The following ADAMTSL1 variants were observed in gnomAD, a reference collection of about 807,000 sequenced individuals.
ADAMTSL1 encodes the protein ADAMTS like 1, also known as ADAMTS-like protein 1.
ADAMTSL1 carries 126 observed loss-of-function variants against 201.8 expected under a neutral mutation model. The ratio of observed to expected loss-of-function variants is 0.62; its 90% CI spans 0.54 to 0.72. The LOEUF is 0.72. Ranked by LOEUF, ADAMTSL1 falls within the 30% of genes least tolerant of loss-of-function variation. The pLI, the probability that ADAMTSL1 is intolerant of heterozygous loss-of-function variation, is 0.00. For synonymous variants in ADAMTSL1, 1,121 were observed against 903.4 expected, an observed-to-expected ratio of 1.24 and a Z score of -4.32; for missense variants, 2,679 against 2,277.8, an observed-to-expected ratio of 1.18 and a Z score of -3.59.
intron 1 of ADAMTSL1, among the ~76,000 whole-genome samples, chr9:18,153,386 A>C (rs1827006990): frequency 6.6e-6 from 1 of 152,088 alleles, no homozygotes. Context: ...TCTAATTCTA[A>C]AATTTATAAA....
chr9:18,836,695 G>T (rs1825330322), intron 23 of ADAMTSL1, among the ~76,000 whole-genome samples: 1 of 152,236 alleles, frequency 6.6e-6, no homozygotes, highest in East Asian at 1.9e-4. Context: ...GGGCAGTATG[G>T]CCATACTAAT....
intron 2 of ADAMTSL1, among the ~76,000 whole-genome samples, chr9:18,188,378 G>A (rs1287108280): frequency 1.3e-5 from 2 of 152,124 alleles, no homozygotes; most frequent in Non-Finnish European, 2.9e-5. Context: ...GGTCTTTCCT[G>A]TCTGGCTTAT....
chr9:18,287,331 A>G (rs1833029279), intron 2 of ADAMTSL1, among the ~76,000 whole-genome samples: 1 of 151,646 alleles, frequency 6.6e-6, no homozygotes, highest in Non-Finnish European at 1.5e-5. Context: ...ATACACACAC[A>G]CACGTGTGTG....
intron 15 of ADAMTSL1, among the ~76,000 whole-genome samples, chr9:18,732,916 G>T (rs1194279411): frequency 6.6e-6 from 1 of 152,102 alleles, no homozygotes; most frequent in East Asian, 1.9e-4. Flanking sequence ...ACATTATTTT[G>T]ATTAATCTTA....
chr9:18,889,812 G>T, intron 25 of ADAMTSL1, 64 bp downstream of exon 25: 1 of 1,389,626 alleles, frequency 7.2e-7, no homozygotes, highest in African/African-American at 1.5e-5. Flanking sequence ...TGTTAGCGAA[G>T]TCAGTGGCCA....
intron 2 of ADAMTSL1, among the ~76,000 whole-genome samples, chr9:18,410,062 T>C (rs79602381): frequency 0.093 from 14,159 of 152,022 alleles, 913 homozygotes; most frequent in Middle Eastern, 0.14. Flanking sequence ...TACACTTTTG[T>C]AGATACCCTT....
intron 15 of ADAMTSL1, among the ~76,000 whole-genome samples, chr9:18,740,919 T>G (rs914252183): frequency 6.6e-6 from 1 of 152,144 alleles, no homozygotes; most frequent in Admixed American, 6.6e-5. Flanking sequence ...TATTCACCTG[T>G]CAAGACTCAG....
chr9:17,916,899 A>G lies in ADAMTSL1; in HGVS notation c.87+9977A>G, dbSNP rs1346895618. Among the ~76,000 whole-genome samples the G allele has an allele frequency of 3.3e-5, 5 of 152,290 alleles. No individual in the cohort carries two copies. In the East Asian group the frequency reaches 7.7e-4, roughly 24 times the overall value. On this transcript the variant is annotated intron_variant, in intron 1 of 29. Coordinates refer to the ADAMTSL1 transcript ENST00000680146. ...TGTCGTTTTACTAATACTGAGTTTC[A>G]TGACTCATGAACATGAAAACCTCTG...
chr9:18,003,404 G>A (rs1819691570), intron 1 of ADAMTSL1, among the ~76,000 whole-genome samples: 1 of 152,080 alleles, frequency 6.6e-6, no homozygotes, highest in Non-Finnish European at 1.5e-5. Flanking sequence ...TGCTCCATTT[G>A]TTTCTGTGAA....
chr9:18,456,870 G>A (rs866236382), intron 2 of ADAMTSL1, among the ~76,000 whole-genome samples: 6 of 152,230 alleles, frequency 3.9e-5, no homozygotes, highest in Middle Eastern at 3.4e-3. Flanking sequence ...ACTGCTATCT[G>A]AAATTACCCT....
At chr9:17,964,373 A>T (rs1356219290) in intron 1 of ADAMTSL1, among the ~76,000 whole-genome samples, 1 of 152,170 alleles carries the variant, frequency 6.6e-6, no homozygotes, top group Non-Finnish European at 1.5e-5. Flanking sequence ...ACACTGTAGG[A>T]TTCTATTTAT....
At chr9:18,519,740 C>CCAGGAAGCA in intron 2 of ADAMTSL1, among the ~76,000 whole-genome samples, 1 of 152,254 alleles carries the variant, frequency 6.6e-6, no homozygotes, top group African/African-American at 2.4e-5. Context: ...AGCGTGTTAA[C>CCAGGAAGCA]CAGGAAGCAC....
At chr9:18,609,819 G>A (rs569825471) in intron 4 of ADAMTSL1, among the ~76,000 whole-genome samples, 4 of 152,312 alleles carry the variant, frequency 2.6e-5, no homozygotes, top group South Asian at 2.1e-4. Flanking sequence ...AGTGGTCAGA[G>A]TTGTTATGTG....
At chr9:18,278,520 G>A (rs575954268) in intron 2 of ADAMTSL1, among the ~76,000 whole-genome samples, 52 of 152,014 alleles carry the variant, frequency 3.4e-4, no homozygotes, top group Non-Finnish European at 6.3e-4. Flanking sequence ...AAAATCCACT[G>A]ATAGTCTTAT....
At chr9:18,089,640 A>G (rs1007704203) in intron 1 of ADAMTSL1, among the ~76,000 whole-genome samples, 15 of 152,318 alleles carry the variant, frequency 9.8e-5, no homozygotes, top group African/African-American at 3.6e-4. Flanking sequence ...AAACTTGAGA[A>G]CATTATGCTA....
rs566275437 is a variant in ADAMTSL1 at position 18,442,733 on chromosome 9, T to C, written c.208-62096T>C. Among the ~76,000 whole-genome samples, 75 of 152,366 alleles carry C rather than the reference T, an allele frequency of 4.9e-4. 1 individual carries two copies. Among genetic ancestry groups the C allele is most frequent in the African/African-American group, 1.7e-3 (69 of 41,590 alleles). ...ACCTTACAGATTTTTCTTTTATCTTTAAACGTTTTAAGAAGACGGAGCTCC... is the reference window on the plus strand; with the variant it reads ...ACCTTACAGATTTTTCTTTTATCTTCAAACGTTTTAAGAAGACGGAGCTCC... On this transcript the variant is annotated intron_variant, in intron 2 of 29. Transcript: ENST00000680146.
intron 23 of ADAMTSL1, among the ~76,000 whole-genome samples, chr9:18,851,191 G>C (rs952101893): frequency 6.6e-6 from 1 of 152,084 alleles, no homozygotes; most frequent in Middle Eastern, 3.4e-3. Context: ...GCTCTCGATG[G>C]GAGCAGAGAT....
chr9:18,839,275 C>T (rs999151447), intron 23 of ADAMTSL1, among the ~76,000 whole-genome samples: 3 of 148,692 alleles, frequency 2.0e-5, no homozygotes, highest in Non-Finnish European at 3.0e-5. Context: ...TGAGTGAGAA[C>T]ATGCGGTGTT....
chr9:18,559,452 C>A (rs969854939), intron 3 of ADAMTSL1, among the ~76,000 whole-genome samples: 2 of 152,080 alleles, frequency 1.3e-5, no homozygotes, highest in Non-Finnish European at 2.9e-5. Flanking sequence ...ATACCTCCAG[C>A]TTTGTTCTTT....
Sources: allele counts gnomAD v4.1 joint callset (sites outside exome capture counted in the v4.1 genomes callset), GRCh38; gene constraint gnomAD v4.1.1; transcripts MANE v1.5; gene names NCBI Gene and HGNC (gene_info 2026-07-23, HGNC 2026-07-21).